FUOM: variants seen among roughly 807,000 people sequenced by gnomAD.
FUOM encodes protein fucU homolog.
FUOM carries 19 observed loss-of-function variants against 18.3 expected under a neutral mutation model. The ratio of observed to expected loss-of-function variants is 1.04; its 90% CI spans 0.73 to 1.53. The LOEUF (loss-of-function observed/expected upper bound fraction) is 1.53, where lower values mean the gene tolerates loss of function less well. Ranked by LOEUF, FUOM falls within the 40% of genes most tolerant of loss-of-function variation. The pLI, the probability that FUOM is intolerant of heterozygous loss-of-function variation, is 0.00. For missense variants in FUOM, 210 were observed against 200.9 expected (o/e 1.04, Z -0.27); for synonymous variants, 102 against 87.9 (o/e 1.16, Z -0.90).
downstream of FUOM, among the ~76,000 whole-genome samples, chr10:133,353,327 G>A (rs928031734): frequency 2.6e-5 from 4 of 152,176 alleles, no homozygotes; most frequent in Non-Finnish European, 2.9e-5. Flanking sequence ...ATGCTGCAGC[G>A]CAGGTCCAGG....
Position 133,358,000 on chromosome 10 carries a change from G to A in FUOM, c.8C>T (p.Ala3Val). The change falls in exon 1 of 6, where the codon GCG becomes GTG. Residue 3 changes from alanine (A) to valine (V), a missense_variant. Physicochemically the swap from Ala to Val is moderately conservative, Grantham distance 64. Transcript: ENST00000278025. ...CAGCAGTGCGGGGACACCCTTCAGC[G>A]CCACCATGGCCCGGCAGACGGGGCG... is the stretch of plus-strand genomic sequence containing the variant. Reference protein sequence around the residue: MVALKGVPALLSP... With the variant: MVVLKGVPALLSP... 1 of 1,502,546 alleles carries A rather than the reference G, an allele frequency of 6.7e-7. No individual in the cohort carries two copies. Among genetic ancestry groups the A allele is most frequent in the African/African-American group, 1.4e-5 (1 of 69,008 alleles). The allele number at this position is 1,502,546 out of a possible 1,614,324, so 93.1% of individuals were successfully genotyped here.
At chr10:133,357,661 G>T (rs1165000892) in intron 1 of FUOM, 2 of 506,182 alleles carry the variant, frequency 4.0e-6, no homozygotes, top group Non-Finnish European at 6.9e-6. Context: ...CCGAACCCTC[G>T]GGGGCAGCCC....
intron 5 of FUOM, 27 bp from the exon 6 acceptor site, chr10:133,355,463 A>G (rs761092586): frequency 1.2e-6 from 2 of 1,608,596 alleles, no homozygotes; most frequent in Non-Finnish European, 1.7e-6. Flanking sequence ...CCCAGCACTG[A>G]GCTGGGCTGC....
rs550314591 is a variant in FUOM, at chr10:133,355,574, C to T, written c.399-138G>A. On this transcript the variant is annotated intron_variant, in intron 5 of 5. Transcript: ENST00000278025. ...CTCAGGCAAATGGGGGCCCTGCCCCCCCGAAATTCCTCCCTGGTCTCTCCA... is the reference window on the plus strand; with the variant it reads ...CTCAGGCAAATGGGGGCCCTGCCCCTCCGAAATTCCTCCCTGGTCTCTCCA... 83 of 1,604,332 alleles carry T rather than the reference C, an allele frequency of 5.2e-5. No individual in the cohort carries two copies. The African/African-American group carries it at 9.9e-4, about 19-fold the overall frequency.
intron 1 of FUOM, 180 bp downstream of exon 1, chr10:133,357,743 C>T: frequency 1.8e-6 from 1 of 547,714 alleles, no homozygotes; most frequent in Non-Finnish European, 3.2e-6. Context: ...CCCAGAGCCC[C>T]ACGAGGTCTC....
At chr10:133,355,926 C>A (rs1228597181) in intron 4 of FUOM, 115 bp from the exon 5 acceptor site, 2 of 879,338 alleles carry the variant, frequency 2.3e-6, no homozygotes, top group African/African-American at 3.3e-5. Flanking sequence ...GGTTCCATTT[C>A]TTGGGCTCTC....
Position 133,357,989 on chromosome 10 carries a change from CA to C in FUOM, c.18del (p.Val7SerfsTer27). The C allele has an allele frequency of 6.6e-7, 1 of 1,513,268 alleles. No homozygotes were observed. Among genetic ancestry groups the C allele is most frequent in the African/African-American group, 1.4e-5 (1 of 69,436 alleles). 93.7% of individuals were successfully genotyped at this position (1,513,268 alleles called of 1,614,324 possible). MVALK[G>X]VPALLSPELL... Reference sequence around the variant, plus strand: ...AGCTCGGGGGACAGCAGTGCGGGGACACCCTTCAGCGCCACCATGGCCCGGC... The same window carrying C: ...AGCTCGGGGGACAGCAGTGCGGGGACCCCTTCAGCGCCACCATGGCCCGGC... On this transcript the variant is annotated frameshift_variant, in exon 1 of 6. Transcript: ENST00000278025. LOFTEE classifies it high-confidence loss of function.
downstream of FUOM, among the ~76,000 whole-genome samples, chr10:133,353,620 C>T (rs981377931): frequency 3.3e-5 from 5 of 152,192 alleles, no homozygotes; most frequent in Non-Finnish European, 7.4e-5. Flanking sequence ...CAAATCCCCG[C>T]TCTCCCAGGA....
At chr10:133,356,117 G>A (rs1461980770) in intron 4 of FUOM, among the ~76,000 whole-genome samples, 1 of 152,178 alleles carries the variant, frequency 6.6e-6, no homozygotes, top group Admixed American at 6.5e-5. Context: ...CCCCTGCCCA[G>A]GACAAGAGCC....
intron 1 of FUOM, 177 bp from the exon 2 acceptor site, chr10:133,357,432 C>A (rs1176552622): frequency 1.5e-6 from 1 of 668,268 alleles, no homozygotes; most frequent in Non-Finnish European, 2.7e-6. Flanking sequence ...CTGGAAGCCA[C>A]GCGGGGAGGT....
downstream of FUOM, among the ~76,000 whole-genome samples, chr10:133,354,555 G>A (rs1251822203): frequency 6.6e-6 from 1 of 152,092 alleles, no homozygotes; most frequent in Non-Finnish European, 1.5e-5. Flanking sequence ...TCCTGTACCT[G>A]TCACTGCAGC....
Position 133,355,219 on chromosome 10 carries a change from T to C in FUOM, c.*151A>G, listed in dbSNP as rs191865568. 43 of 751,396 alleles carry C rather than the reference T, an allele frequency of 5.7e-5. No individual in the cohort carries two copies. The Admixed American group carries it at 1.2e-3, about 21-fold the overall frequency. 46.5% of individuals were successfully genotyped at this position (751,396 alleles called of 1,614,324 possible). A position where few individuals can be genotyped will look rare whatever the true frequency, so the allele number is the denominator to read the frequency against. On this transcript the variant is annotated 3_prime_UTR_variant, in exon 6 of 6. Transcript: ENST00000278025. ...CACAAATCAGGGATACTCGTCCCAATTGGCAGGGCCCACCCCAAGACTGCC... is the reference window on the plus strand; with the variant it reads ...CACAAATCAGGGATACTCGTCCCAACTGGCAGGGCCCACCCCAAGACTGCC...
Position 133,357,188 on chromosome 10 carries a change from G to T in FUOM, c.153C>A (p.Asp51Glu), listed in dbSNP as rs867679887. The T allele has an allele frequency of 2.5e-6, 4 of 1,569,604 alleles. No individual in the cohort carries two copies. In the African/African-American group the frequency reaches 4.1e-5, roughly 16 times the overall value. Reference sequence around the variant, plus strand: ...CTGGGGGACCTGGGGCTCGCTCACCGTCTGCACGGATCTCCATGGGCCCAC... The same window carrying T: ...CTGGGGGACCTGGGGCTCGCTCACCTTCTGCACGGATCTCCATGGGCCCAC... Reference protein sequence around the residue: ...CQCGPMEIRADGLGIPQLLEA... With the variant: ...CQCGPMEIRAEGLGIPQLLEA... The change falls in exon 2 of 6, where the codon GAC (aspartate) becomes GAA (glutamate). Residue 51 changes from aspartate to glutamate, a missense_variant and splice_region_variant. Transcript: ENST00000278025.
chr10:133,357,000 C>A lies in FUOM; in HGVS notation c.168G>T (p.Pro56=). 1 of 1,550,170 alleles carries A rather than the reference C, an allele frequency of 6.5e-7. No homozygotes were observed. The highest frequency in any genetic ancestry group is 8.7e-7 in the Non-Finnish European group (1 of 1,146,974). Residue 56 remains proline (P), a synonymous_variant, in exon 3 of 6, where the codon CCG becomes CCT. Coordinates refer to ENST00000278025, the MANE Select transcript of FUOM (RefSeq NM_001098483.3). ...MEIRADGLGI[P]QLLEAVLKLL... is the part of the protein sequence containing the mutation. The stretch of plus-strand genomic sequence containing the variant: ...GCTTCAGCACGGCCTCCAGGAGCTG[C>A]GGGATGCCCAGGCCTGGAGGGCAGA...
chr10:133,355,408 G>A lies in FUOM; in HGVS notation c.427C>T (p.Leu143Phe), dbSNP rs1334525129. The stretch of plus-strand genomic sequence containing the variant: ...TTGAGGGCAAGCACCCCCTTCCTGA[G>A]GATGAGGTTTCCGTAGAGGGCCGTC... The part of the protein sequence containing the change: ...GETALYGNLI[L>F]RKGVLALNPL... The change falls in exon 6 of 6, where the codon CTC becomes TTC. Residue 143 changes from leucine to phenylalanine, a missense_variant. By Grantham distance (22) the Leu-to-Phe change is conservative. Transcript: ENST00000278025. The A allele has an allele frequency of 1.9e-6, 3 of 1,609,648 alleles. No homozygotes were observed. Among genetic ancestry groups the A allele is most frequent in the Non-Finnish European group, 2.5e-6 (3 of 1,179,226 alleles).
In FUOM at chr10:133,357,981, T is replaced by G. The variant is rs1254159721; in HGVS notation, c.27A>C (p.Ala9=). Residue 9 remains alanine (A), a synonymous_variant, in exon 1 of 6, where the codon GCA becomes GCC. Transcript: ENST00000278025. The stretch of plus-strand genomic sequence containing the variant: ...CGTAGAGCAGCTCGGGGGACAGCAG[T>G]GCGGGGACACCCTTCAGCGCCACCA... MVALKGVP[A]LLSPELLYAL... is the part of the protein sequence containing the mutation. 3 of 1,516,598 alleles carry G rather than the reference T, an allele frequency of 2.0e-6. No individual in the cohort carries two copies. The highest frequency in any genetic ancestry group is 2.6e-6 in the Non-Finnish European group (3 of 1,136,842). The allele number at this position is 1,516,598 out of a possible 1,614,324, so 93.9% of individuals were successfully genotyped here.
chr10:133,357,990 A>T lies in FUOM; in HGVS notation c.18T>A (p.Gly6=). 3 of 1,511,528 alleles carry T rather than the reference A, an allele frequency of 2.0e-6. No individual in the cohort carries two copies. Among genetic ancestry groups the T allele is most frequent in the Non-Finnish European group, 2.6e-6 (3 of 1,134,694 alleles). 93.6% of individuals were successfully genotyped at this position (1,511,528 alleles called of 1,614,324 possible). The change falls in exon 1 of 6, where the codon GGT becomes GGA. Residue 6 remains glycine, a synonymous_variant. Transcript: ENST00000278025. ...GCTCGGGGGACAGCAGTGCGGGGAC[A>T]CCCTTCAGCGCCACCATGGCCCGGC... MVALK[G]VPALLSPELL...
chr10:133,355,125 A>C (rs1324377291), downstream of FUOM: 1 of 568,656 alleles, frequency 1.8e-6, no homozygotes, highest in African/African-American at 1.9e-5. Flanking sequence ...TGAGCTCAGC[A>C]CCAAACAAGC....
chr10:133,353,498 G>A (rs981922940), downstream of FUOM, among the ~76,000 whole-genome samples: 2 of 152,184 alleles, frequency 1.3e-5, no homozygotes, highest in Admixed American at 6.5e-5. Flanking sequence ...AAGACAGAAC[G>A]GAGCAAGGGA....
Sources: gnomAD v4.1 joint callset for allele counts (sites outside exome capture counted in the v4.1 genomes callset) on GRCh38, gnomAD v4.1.1 for gene constraint, MANE v1.5 for transcripts, NCBI Gene and HGNC (gene_info 2026-07-23, HGNC 2026-07-21) for gene names.